The following SWAP70 variants were observed in gnomAD, a reference collection of about 807,000 sequenced individuals.
SWAP70 encodes the protein switching B cell complex subunit SWAP70.
A neutral mutation model predicts 80.2 loss-of-function variants in SWAP70; 34 were observed. The observed-to-expected ratio is 0.42, with a 90% CI of 0.32 to 0.56. The LOEUF (loss-of-function observed/expected upper bound fraction) is 0.56. Ranked by LOEUF, SWAP70 falls within the 20% of genes least tolerant of loss-of-function variation. The pLI, the probability that SWAP70 is intolerant of heterozygous loss-of-function variation, is 0.09. For synonymous variants in SWAP70, 239 were observed against 238.5 expected, an observed-to-expected ratio of 1.00 and a Z score of -0.02; for missense variants, 578 against 690.7, an observed-to-expected ratio of 0.84 and a Z score of 1.83.
chr11:9,748,683 C>T (rs926203059), intron 10 of SWAP70, among the ~76,000 whole-genome samples: 4 of 137,076 alleles, frequency 2.9e-5, no homozygotes, highest in Non-Finnish European at 4.7e-5. Flanking sequence ...ACTGACAAAG[C>T]TTTATGCTGC....
intron 1 of SWAP70, among the ~76,000 whole-genome samples, chr11:9,675,320 CGAGAGAGAGAGAGA>C: frequency 3.2e-5 from 1 of 31,490 alleles, no homozygotes; most frequent in African/African-American, 6.6e-5. Flanking sequence ...AGAGAGGGAG[CGAGAGAGAGAGAGA>C]GAGAGAGGGA....
intron 3 of SWAP70, among the ~76,000 whole-genome samples, chr11:9,718,991 T>C (rs1326793000): frequency 1.4e-5 from 2 of 147,940 alleles, no homozygotes; most frequent in Non-Finnish European, 3.0e-5. Context: ...TCTCAGCTAC[T>C]CGGGAGGCTG....
At chr11:9,707,217 A>G (rs545238082) in intron 2 of SWAP70, among the ~76,000 whole-genome samples, 3 of 152,336 alleles carry the variant, frequency 2.0e-5, no homozygotes, top group African/African-American at 7.2e-5. Context: ...GCTATAGTAC[A>G]GTATTTTTAA....
intron 2 of SWAP70, among the ~76,000 whole-genome samples, chr11:9,700,148 T>G (rs1351668765): frequency 2.0e-5 from 3 of 152,154 alleles, no homozygotes; most frequent in African/African-American, 7.2e-5. Context: ...GTTTTAGTAT[T>G]TCAAGTTTTT....
rs1210416436 is a variant in SWAP70, at chr11:9,713,514, C to G, written c.289C>G (p.Leu97Val). 1 of 1,613,790 alleles carries G rather than the reference C, an allele frequency of 6.2e-7. No homozygotes were observed. The highest frequency in any genetic ancestry group is 2.2e-5 in the East Asian group (1 of 44,842). The change falls in exon 3 of 12, where the codon CTC becomes GTC. Residue 97 changes from leucine to valine, a missense_variant. Coordinates refer to ENST00000318950, the MANE Select transcript of SWAP70 (RefSeq NM_015055.4). The stretch of plus-strand genomic sequence containing the variant: ...TGAATTCAATAGGATGTGTTGGACC[C>G]TCTGTGTCAAAAAAAACCTCACAAA... ...KIEFNRMCWTLCVKKNLTKNP... is the reference protein window; with the variant it reads ...KIEFNRMCWTVCVKKNLTKNP...
At chr11:9,664,335 C>T (rs972642151) in intron 1 of SWAP70, 57 bp downstream of exon 1, 1 of 1,500,294 alleles carries the variant, frequency 6.7e-7, no homozygotes, top group African/African-American at 1.4e-5. Context: ...CTCTGTACTT[C>T]CCTTGGGTGG....
chr11:9,715,752 A>G (rs987791811), intron 3 of SWAP70, among the ~76,000 whole-genome samples: 6 of 152,180 alleles, frequency 3.9e-5, no homozygotes, highest in Non-Finnish European at 7.4e-5. Context: ...CCCATGATTC[A>G]GTTACCTCCC....
At chr11:9,720,602 T>A in intron 3 of SWAP70, 2 of 499,018 alleles carry the variant, frequency 4.0e-6, no homozygotes, top group Non-Finnish European at 5.2e-6. Flanking sequence ...TATACACATG[T>A]GCTTCCTTTG....
intron 3 of SWAP70, among the ~76,000 whole-genome samples, chr11:9,723,665 A>C (rs1426496550): frequency 1.3e-5 from 2 of 152,076 alleles, no homozygotes; most frequent in Non-Finnish European, 2.9e-5. Context: ...GTTTGAGAGC[A>C]CTGTATAGGA....
chr11:9,734,500 A>G (rs898426204), intron 7 of SWAP70, among the ~76,000 whole-genome samples: 1 of 152,186 alleles, frequency 6.6e-6, no homozygotes, highest in Admixed American at 6.5e-5. Context: ...TATTTAAAAG[A>G]CTGATTTAGG....
intron 1 of SWAP70, among the ~76,000 whole-genome samples, chr11:9,670,776 C>T (rs376866573): frequency 5.9e-5 from 9 of 151,640 alleles, no homozygotes; most frequent in South Asian, 4.2e-4. Flanking sequence ...TTTTCTGAGG[C>T]GGAGTCTTGC....
At chr11:9,737,368 G>T (rs1851376342) in intron 7 of SWAP70, among the ~76,000 whole-genome samples, 1 of 152,142 alleles carries the variant, frequency 6.6e-6, no homozygotes, top group Non-Finnish European at 1.5e-5. Flanking sequence ...CTGAGAGTTA[G>T]ATTTTCTTAG....
chr11:9,678,517 G>A (rs1319475232), intron 1 of SWAP70, among the ~76,000 whole-genome samples: 31 of 129,488 alleles, frequency 2.4e-4, no homozygotes, highest in Admixed American at 2.2e-3. Flanking sequence ...TACTTTTATC[G>A]AAAATAACAC....
intron 1 of SWAP70, among the ~76,000 whole-genome samples, chr11:9,692,748 A>G (rs1285531784): frequency 3.9e-5 from 6 of 152,130 alleles, no homozygotes. Context: ...TATAAATTAA[A>G]TATCTTTTTA....
intron 3 of SWAP70, among the ~76,000 whole-genome samples, chr11:9,718,594 A>G (rs1027431296): frequency 6.6e-6 from 1 of 152,258 alleles, no homozygotes; most frequent in African/African-American, 2.4e-5. Context: ...ATAAAATTTA[A>G]TGTGAAAACA....
intron 5 of SWAP70, 35 bp downstream of exon 5, chr11:9,728,234 C>A: frequency 6.5e-7 from 1 of 1,538,936 alleles, no homozygotes; most frequent in Non-Finnish European, 8.7e-7. Context: ...ATGATTACCC[C>A]GTGCTGCCCC....
At chr11:9,692,287 TA>T (rs1222230769) in intron 1 of SWAP70, among the ~76,000 whole-genome samples, 284 of 151,066 alleles carry the variant, frequency 1.9e-3, no homozygotes, top group African/African-American at 6.7e-3. Flanking sequence ...TAATTTTTTT[TA>T]AAAAAACTTA....
intron 7 of SWAP70, 36 bp from the exon 8 acceptor site, chr11:9,738,177 A>T (rs771081365): frequency 6.6e-7 from 1 of 1,519,068 alleles, no homozygotes; most frequent in Admixed American, 1.9e-5. Flanking sequence ...CTACTCTAAC[A>T]CCTGCTTTTC....
At chr11:9,681,757 A>AT (rs1779625133) in intron 1 of SWAP70, among the ~76,000 whole-genome samples, 1 of 152,208 alleles carries the variant, frequency 6.6e-6, no homozygotes, top group African/African-American at 2.4e-5. Flanking sequence ...AAGGGAACCT[A>AT]TTTAGCTTGG....
Sources: allele counts gnomAD v4.1 joint callset (sites outside exome capture counted in the v4.1 genomes callset), GRCh38; gene constraint gnomAD v4.1.1; transcripts MANE v1.5; gene names NCBI Gene and HGNC (gene_info 2026-07-23, HGNC 2026-07-21).